The following ST8SIA2 variants were observed in gnomAD, a reference collection of about 807,000 sequenced individuals.
The protein encoded by ST8SIA2 is alpha-2,8-sialyltransferase 8B.
A neutral mutation model predicts 37.6 loss-of-function variants in ST8SIA2; 22 were observed. The observed-to-expected ratio is 0.58, with a 90% confidence interval of 0.42 to 0.83. The LOEUF (loss-of-function observed/expected upper bound fraction) is 0.83, where lower values mean the gene tolerates loss of function less well. ST8SIA2 is among the 40% of genes least tolerant of loss of function. The pLI, the probability that ST8SIA2 is intolerant of heterozygous loss-of-function variation, is 0.00. For synonymous variants in ST8SIA2, 205 were observed against 201.2 expected (o/e 1.02, Z -0.16); for missense variants, 382 against 484.7 (o/e 0.79, Z 1.99).
At chr15:92,409,899 G>A (rs115444063) in intron 1 of ST8SIA2, among the ~76,000 whole-genome samples, 3 of 152,384 alleles carry the variant, frequency 2.0e-5, no homozygotes, top group African/African-American at 7.2e-5. Flanking sequence ...TGTGCTGAGT[G>A]CTGGCGACTG....
At chr15:92,413,386 C>T (rs547548490) in intron 1 of ST8SIA2, among the ~76,000 whole-genome samples, 52 of 152,176 alleles carry the variant, frequency 3.4e-4, no homozygotes, top group Non-Finnish European at 6.5e-4. Context: ...TGAGGAAACT[C>T]AGTCTGAATA....
intron 5 of ST8SIA2, among the ~76,000 whole-genome samples, chr15:92,445,840 C>A (rs1214133264): frequency 6.6e-6 from 1 of 152,138 alleles, no homozygotes; most frequent in East Asian, 1.9e-4. Context: ...TCTTAAACAG[C>A]CCCAGCCAAA....
intron 1 of ST8SIA2, among the ~76,000 whole-genome samples, chr15:92,395,562 G>C (rs147263624): frequency 1.3e-5 from 2 of 152,186 alleles, no homozygotes; most frequent in Non-Finnish European, 2.9e-5. Context: ...TTCCCCAAGA[G>C]CTCTGAAAAC....
intron 1 of ST8SIA2, among the ~76,000 whole-genome samples, chr15:92,420,304 C>T (rs1025227709): frequency 1.3e-5 from 2 of 152,148 alleles, no homozygotes; most frequent in African/African-American, 2.4e-5. Context: ...GTTATATTGT[C>T]CCCCCGCCGG....
chr15:92,396,139 G>A (rs1439706662), intron 1 of ST8SIA2, among the ~76,000 whole-genome samples: 1 of 152,164 alleles, frequency 6.6e-6, no homozygotes, highest in Non-Finnish European at 1.5e-5. Flanking sequence ...AAACAAGTAC[G>A]ATGTGTCACC....
At position 92,404,851 on chromosome 15, in the gene ST8SIA2, A is replaced by C. The variant is rs570739011; in HGVS notation, c.98+10689A>C. 1.4e-3 allele frequency among the ~76,000 whole-genome samples: 216 copies of C among 151,452 alleles called. 5 individuals are homozygous for C. The East Asian group carries it at 0.036, about 25-fold the overall frequency. On this transcript the variant is annotated intron_variant, in intron 1 of 5. Transcript: ENST00000268164. ...CTCCATCTCAAAAAAAAAAAAAAAA[A>C]TTGGAAACAGGGACTCAAACAGATA...
At chr15:92,458,914 G>T (rs1333051611) in intron 5 of ST8SIA2, among the ~76,000 whole-genome samples, 1 of 152,224 alleles carries the variant, frequency 6.6e-6, no homozygotes, top group Non-Finnish European at 1.5e-5. Context: ...TCTGACTGGG[G>T]AGATGACAGT....
intron 4 of ST8SIA2, among the ~76,000 whole-genome samples, chr15:92,439,589 G>A (rs866812961): frequency 3.3e-5 from 5 of 152,166 alleles, no homozygotes; most frequent in African/African-American, 9.7e-5. Flanking sequence ...TTGGGAAGCC[G>A]CCCTATTGTA....
At chr15:92,440,395 C>T (rs1282492385) in intron 4 of ST8SIA2, among the ~76,000 whole-genome samples, 2 of 152,138 alleles carry the variant, frequency 1.3e-5, no homozygotes, top group African/African-American at 2.4e-5. Context: ...CTAACAAGCA[C>T]CCCAGGGGAC....
At chr15:92,397,517 C>A (rs1021046423) in intron 1 of ST8SIA2, among the ~76,000 whole-genome samples, 1 of 152,210 alleles carries the variant, frequency 6.6e-6, no homozygotes, top group African/African-American at 2.4e-5. Context: ...CCTAGAGAGT[C>A]CTGCCTGGTA....
At chr15:92,404,760 G>A (rs894543012) in intron 1 of ST8SIA2, among the ~76,000 whole-genome samples, 2 of 151,698 alleles carry the variant, frequency 1.3e-5, no homozygotes, top group Non-Finnish European at 2.9e-5. Context: ...GGTTGAACCC[G>A]GGAGGCGGAG....
At chr15:92,438,759 TG>T (rs1213172683) in intron 4 of ST8SIA2, 149 bp downstream of exon 4, 57 of 1,208,854 alleles carry the variant, frequency 4.7e-5, no homozygotes, top group Non-Finnish European at 5.9e-5. Flanking sequence ...CAGAATCACT[TG>T]GGGAGCTTCG....
rs1348015347 is a variant in ST8SIA2, at chr15:92,465,373, G to A, written c.*988G>A. 6.6e-6 allele frequency: 1 copy of A among 152,200 alleles called. No homozygotes were observed. The highest frequency in any genetic ancestry group is 1.5e-5 in the Non-Finnish European group (1 of 68,050). 9.4% of individuals were successfully genotyped at this position (152,200 alleles called of 1,614,324 possible). A position where few individuals can be genotyped will look rare whatever the true frequency, so the allele number is the denominator to read the frequency against. On this transcript the variant is annotated 3_prime_UTR_variant, in exon 6 of 6. Transcript: ENST00000268164. ...TCTGTCACCAGGGAAGCCACAATGA[G>A]AGCTTGAAAGGGTGCTGTCAAGATA... is the stretch of plus-strand genomic sequence containing the variant.
At chr15:92,420,432 A>G (rs1040328791) in intron 1 of ST8SIA2, among the ~76,000 whole-genome samples, 5 of 152,198 alleles carry the variant, frequency 3.3e-5, no homozygotes, top group Non-Finnish European at 1.5e-5. Context: ...AGATGCCTCT[A>G]AGTACCTTTA....
chr15:92,427,260 CAAA>C (rs55783719), intron 1 of ST8SIA2, among the ~76,000 whole-genome samples: 47,861 of 102,012 alleles, frequency 0.47, 7,771 homozygotes, highest in East Asian at 0.66. Context: ...GGGCACTTGG[CAAA>C]AAAAAAAAAA....
At chr15:92,450,235 T>C (rs1458986012) in intron 5 of ST8SIA2, among the ~76,000 whole-genome samples, 1 of 152,194 alleles carries the variant, frequency 6.6e-6, no homozygotes, top group African/African-American at 2.4e-5. Context: ...TGAAGAACTC[T>C]TACAGCTCAA....
intron 1 of ST8SIA2, among the ~76,000 whole-genome samples, chr15:92,415,201 T>C (rs2049578187): frequency 6.6e-6 from 1 of 152,032 alleles, no homozygotes; most frequent in Admixed American, 6.5e-5. Flanking sequence ...TCTCCTAAGC[T>C]TTTGTTTCTG....
chr15:92,426,928 T>C (rs1162229242), intron 1 of ST8SIA2, among the ~76,000 whole-genome samples: 2 of 151,938 alleles, frequency 1.3e-5, no homozygotes, highest in African/African-American at 4.8e-5. Context: ...ACCCCATCTC[T>C]ACTAAAAATA....
chr15:92,438,811 T>G (rs1001700599), intron 4 of ST8SIA2, among the ~76,000 whole-genome samples: 1 of 152,068 alleles, frequency 6.6e-6, no homozygotes, highest in Non-Finnish European at 1.5e-5. Context: ...ATTAAATCAA[T>G]GGAGGAGAGG....
Sources: gnomAD v4.1 joint callset for allele counts (sites outside exome capture counted in the v4.1 genomes callset) on GRCh38, gnomAD v4.1.1 for gene constraint, MANE v1.5 for transcripts, NCBI Gene and HGNC (gene_info 2026-07-23, HGNC 2026-07-21) for gene names.